The following PRDM16 variants were observed in gnomAD, a reference collection of about 807,000 sequenced individuals.
PRDM16 encodes the protein histone-lysine N-methyltransferase PRDM16.
Under a neutral mutation model 110.6 loss-of-function variants are expected in PRDM16, and 23 were observed. That is an observed-to-expected ratio of 0.21 (90% CI 0.15 to 0.29). The LOEUF (loss-of-function observed/expected upper bound fraction) is 0.29. PRDM16 is among the 10% of genes least tolerant of loss of function. PRDM16 has a pLI of 1.00. For missense variants in PRDM16, 1,615 were observed against 1,794.3 expected (o/e 0.90, Z 1.81); for synonymous variants, 799 against 781.8 (o/e 1.02, Z -0.37).
At chr1:3,295,185 A>C (rs905752988) in intron 3 of PRDM16, among the ~76,000 whole-genome samples, 1 of 152,228 alleles carries the variant, frequency 6.6e-6, no homozygotes, top group Non-Finnish European at 1.5e-5. Flanking sequence ...CCCTGCTCAC[A>C]GAACGAGGAG....
chr1:3,076,591 G>A (rs1268038269), intron 1 of PRDM16, among the ~76,000 whole-genome samples: 1 of 152,214 alleles, frequency 6.6e-6, no homozygotes, highest in Non-Finnish European at 1.5e-5. Context: ...CTCCGAGGGT[G>A]TCTGTCTCCT....
intron 1 of PRDM16, among the ~76,000 whole-genome samples, chr1:3,160,935 G>T (rs1643892133): frequency 6.6e-6 from 1 of 152,198 alleles, no homozygotes; most frequent in South Asian, 2.1e-4. Flanking sequence ...GCAGCCGGTG[G>T]CTTTCGTTTC....
At chr1:3,333,269 G>A (rs1332061336) in intron 3 of PRDM16, among the ~76,000 whole-genome samples, 1 of 152,190 alleles carries the variant, frequency 6.6e-6, no homozygotes, top group African/African-American at 2.4e-5. Flanking sequence ...GAGCAGAGGA[G>A]GCAGGAGTAG....
At chr1:3,181,202 ACACG>A (rs1557508290) in intron 1 of PRDM16, among the ~76,000 whole-genome samples, 205 of 132,522 alleles carry the variant, frequency 1.5e-3, no homozygotes, top group South Asian at 3.8e-3. Context: ...ACGGTCTTAC[ACACG>A]GTCTTACACA....
chr1:3,110,907 C>CGGGGT (rs1642776761), intron 1 of PRDM16, among the ~76,000 whole-genome samples: 3 of 152,086 alleles, frequency 2.0e-5, no homozygotes, highest in Non-Finnish European at 4.4e-5. Context: ...CCTGATGCCC[C>CGGGGT]GGGGTGGGGT....
At position 3,437,153 on chromosome 1, in the gene PRDM16, T is replaced by G. The variant is rs1257327151; in HGVS notation, c.*3342T>G. On this transcript the variant is annotated 3_prime_UTR_variant, in exon 17 of 17. Transcript: ENST00000270722. Reference sequence around the variant, plus strand: ...GGGCCCTGGGGTGTGGAGCAGTGGCTGGGGTGGGCGTGGTGTGGCCTGAGA... The same window carrying G: ...GGGCCCTGGGGTGTGGAGCAGTGGCGGGGGTGGGCGTGGTGTGGCCTGAGA... The G allele has an allele frequency of 4.3e-6, 1 of 231,352 alleles. No homozygotes were observed. The highest frequency in any genetic ancestry group is 8.5e-6 in the Non-Finnish European group (1 of 117,170). 14.3% of individuals were successfully genotyped at this position (231,352 alleles called of 1,614,324 possible). A position where few individuals can be genotyped will look rare whatever the true frequency, so the allele number is the denominator to read the frequency against.
Position 3,421,742 on chromosome 1 carries a change from G to A in PRDM16, c.2939+2998G>A, listed in dbSNP as rs562350735. Reference sequence around the variant, plus strand: ...CTTTTCCAATCCCATTTCTTACCTCGGATCCACAATTGCTAGGGTTTATGC... The same window carrying A: ...CTTTTCCAATCCCATTTCTTACCTCAGATCCACAATTGCTAGGGTTTATGC... On this transcript the variant is annotated intron_variant, in intron 12 of 16. Transcript: ENST00000270722. Among the ~76,000 whole-genome samples the A allele has an allele frequency of 1.4e-4, 21 of 152,266 alleles. No homozygotes were observed. In the East Asian group the frequency reaches 1.9e-3, roughly 14 times the overall value.
At chr1:3,164,731 A>G (rs1643931599) in intron 1 of PRDM16, among the ~76,000 whole-genome samples, 2 of 152,062 alleles carry the variant, frequency 1.3e-5, no homozygotes, top group South Asian at 4.1e-4. Context: ...GTCCCGCGTG[A>G]TCATGGGGTC....
At chr1:3,181,886 G>GGTCTTACACA (rs1644211989) in intron 1 of PRDM16, among the ~76,000 whole-genome samples, 1 of 85,026 alleles carries the variant, frequency 1.2e-5, no homozygotes, top group Non-Finnish European at 2.7e-5. Context: ...TCTTGCACAC[G>GGTCTTACACA]CAGTCTTACA....
chr1:3,145,967 G>A (rs1643642042), intron 1 of PRDM16, among the ~76,000 whole-genome samples: 1 of 152,234 alleles, frequency 6.6e-6, no homozygotes, highest in Non-Finnish European at 1.5e-5. Flanking sequence ...CAAGGTGTGA[G>A]CAGCGCCTCG....
At position 3,412,424 on chromosome 1, in the gene PRDM16, C is replaced by G. The variant is rs560412765; in HGVS notation, c.2227C>G (p.Arg743Gly). 2 of 1,612,428 alleles carry G rather than the reference C, an allele frequency of 1.2e-6. No individual in the cohort carries two copies. The highest frequency in any genetic ancestry group is 2.2e-5 in the East Asian group (1 of 44,822). Reference protein sequence around the residue: ...FPHSLYPFTDRALAHNLLVKA... With the variant: ...FPHSLYPFTDGALAHNLLVKA... ...CCACTCCCTTTACCCCTTCACGGAC[C>G]GAGCCCTCGCCCACAACTTGCTGGT... The change falls in exon 9 of 17, where the codon CGA becomes GGA. Residue 743 changes from arginine to glycine, a missense_variant. Coordinates refer to ENST00000270722, the MANE Select transcript of PRDM16 (RefSeq NM_022114.4).
At chr1:3,335,621 A>G (rs1642129403) in intron 3 of PRDM16, among the ~76,000 whole-genome samples, 1 of 151,912 alleles carries the variant, frequency 6.6e-6, no homozygotes, top group Non-Finnish European at 1.5e-5. Flanking sequence ...ACACACACAC[A>G]CACACACACA....
At chr1:3,414,367 G>A (rs998333239) in intron 9 of PRDM16, among the ~76,000 whole-genome samples, 193 bp from the exon 10 acceptor site, 9 of 152,264 alleles carry the variant, frequency 5.9e-5, no homozygotes, top group African/African-American at 1.9e-4. Flanking sequence ...GGGTGCAGGT[G>A]GGCTGGGCTC....
chr1:3,175,387 C>T lies in PRDM16; in HGVS notation c.38-10738C>T, dbSNP rs1644073035. ...TTTTTCTCTAGAAGTTGCCTCCGTG[C>T]GTGCCTGCTCTCCCCGATCAGCTCT... On this transcript the variant is annotated intron_variant, in intron 1 of 16. Transcript: ENST00000270722. The surrounding 1 kb of genome is among the most constrained non-coding windows in gnomAD (Gnocchi z 4.8). Among the ~76,000 whole-genome samples, 1 of 152,170 alleles carries T rather than the reference C, an allele frequency of 6.6e-6. No individual in the cohort carries two copies. The highest frequency in any genetic ancestry group is 2.4e-5 in the African/African-American group (1 of 41,412).
At chr1:3,120,376 G>T (rs1246026254) in intron 1 of PRDM16, among the ~76,000 whole-genome samples, 2 of 152,188 alleles carry the variant, frequency 1.3e-5, no homozygotes, top group African/African-American at 4.8e-5. Flanking sequence ...GGAGTTTTGG[G>T]GTTTGGCCCA....
In PRDM16 at chr1:3,408,565, G is replaced by A. The variant is rs74592460; in HGVS notation, c.1187-2819G>A. ...GGACACATGAGCTGGTGCATGTGTC[G>A]GTGCGTGTGAGAGCGTGTGAGTGTG... On this transcript the variant is annotated intron_variant, in intron 8 of 16. Coordinates refer to ENST00000270722, the MANE Select transcript of PRDM16 (RefSeq NM_022114.4). Among the ~76,000 whole-genome samples, 1,071 of 133,760 alleles carry A rather than the reference G, an allele frequency of 8.0e-3. 13 individuals carry two copies. Among genetic ancestry groups the A allele is most frequent in the African/African-American group, 0.031 (966 of 31,528 alleles). The allele number at this position is 133,760 out of a possible 152,430, so 87.8% of individuals were successfully genotyped here.
At chr1:3,295,864 A>C (rs12037974) in intron 3 of PRDM16, among the ~76,000 whole-genome samples, 4,089 of 152,200 alleles carry the variant, frequency 0.027, 304 homozygotes, top group East Asian at 0.25. Context: ...GCCATGGGTC[A>C]AGCTGTGCAT....
chr1:3,264,123 A>C (rs937079561), intron 3 of PRDM16, among the ~76,000 whole-genome samples: 1 of 152,244 alleles, frequency 6.6e-6, no homozygotes, highest in African/African-American at 2.4e-5. Context: ...ATCCCCTGGA[A>C]GAAGCGAATA....
chr1:3,163,913 C>T (rs946726206), intron 1 of PRDM16, among the ~76,000 whole-genome samples: 1 of 152,254 alleles, frequency 6.6e-6, no homozygotes, highest in Admixed American at 6.5e-5. Context: ...GGACTGCAAC[C>T]TACGAATATG....
Sources: gnomAD v4.1 joint callset for allele counts (sites outside exome capture counted in the v4.1 genomes callset) on GRCh38, gnomAD v4.1.1 for gene constraint, Gnocchi (gnomAD v3.1) non-coding constraint, MANE v1.5 for transcripts, NCBI Gene and HGNC (gene_info 2026-07-23, HGNC 2026-07-21) for gene names.